CLIC5: variants seen among roughly 807,000 people sequenced by gnomAD.
CLIC5 encodes the protein CLIC family member 5.
In CLIC5, 20 loss-of-function variants were observed where a neutral mutation model predicts 24.7. That is an observed-to-expected ratio of 0.81 (90% CI 0.57 to 1.18). The LOEUF (loss-of-function observed/expected upper bound fraction) is 1.18. CLIC5 is among the 50% of genes most tolerant of loss of function. CLIC5 has a pLI of 0.00. For missense variants in CLIC5, 341 were observed against 326.1 expected, an observed-to-expected ratio of 1.05 and a Z score of -0.35; for synonymous variants, 159 against 135.6, an observed-to-expected ratio of 1.17 and a Z score of -1.20.
intron 1 of CLIC5, among the ~76,000 whole-genome samples, chr6:45,985,875 C>T (rs1382374476): frequency 6.6e-6 from 1 of 152,132 alleles, no homozygotes; most frequent in Non-Finnish European, 1.5e-5. Context: ...CCACCCAAAT[C>T]TCATCTTGAA....
the CLIC5 span, among the ~76,000 whole-genome samples, chr6:46,122,385 G>A: frequency 2.6e-5 from 4 of 152,164 alleles, no homozygotes; most frequent in Admixed American, 6.5e-5. Context: ...AAACCAATGA[G>A]AACAAAGACA....
At chr6:45,951,681 C>T (rs954754671) in intron 2 of CLIC5, among the ~76,000 whole-genome samples, 7 of 152,158 alleles carry the variant, frequency 4.6e-5, no homozygotes, top group African/African-American at 1.2e-4. Flanking sequence ...ACTTCCAAGA[C>T]GGTGCTGGGA....
At chr6:45,890,286 C>A (rs1184841905) in intron 6 of CLIC5, among the ~76,000 whole-genome samples, 3 of 151,850 alleles carry the variant, frequency 2.0e-5, no homozygotes, top group Non-Finnish European at 4.4e-5. Context: ...AGAAGACATA[C>A]CAATGGCCAA....
At chr6:46,100,797 T>C in the CLIC5 span, among the ~76,000 whole-genome samples, 5 of 152,174 alleles carry the variant, frequency 3.3e-5, no homozygotes, top group Non-Finnish European at 7.3e-5. Context: ...GCAGGATTAA[T>C]TGGAGAAAAG....
At chr6:46,086,039 C>T in the CLIC5 span, among the ~76,000 whole-genome samples, 1 of 152,220 alleles carries the variant, frequency 6.6e-6, no homozygotes, top group African/African-American at 2.4e-5. Flanking sequence ...GGCGTAGGAC[C>T]CTCCGAGCCA....
chr6:46,001,955 A>G (rs569563712), intron 1 of CLIC5, among the ~76,000 whole-genome samples: 1 of 152,292 alleles, frequency 6.6e-6, no homozygotes, highest in South Asian at 2.1e-4. Flanking sequence ...TGACCATGGC[A>G]AGTGTCTCAG....
upstream of CLIC5, among the ~76,000 whole-genome samples, chr6:46,081,713 T>G (rs1762922639): frequency 6.6e-6 from 1 of 152,214 alleles, no homozygotes; most frequent in Non-Finnish European, 1.5e-5. Context: ...AAGAGATCAT[T>G]CAAACATTTT....
intron 1 of CLIC5, among the ~76,000 whole-genome samples, chr6:45,964,308 A>G (rs1418591542): frequency 3.3e-5 from 5 of 152,202 alleles, no homozygotes; most frequent in Non-Finnish European, 5.9e-5. Context: ...AACCAGCAGA[A>G]AAAATGTCTG....
At chr6:45,880,928 C>T (rs1762257246), downstream of CLIC5, 1 of 387,788 alleles carries the variant, frequency 2.6e-6, no homozygotes. Context: ...ATTTCAAGAG[C>T]TAGACATGAA....
intron 4 of CLIC5, 180 bp from the exon 5 acceptor site, chr6:45,914,589 G>C: frequency 8.5e-7 from 1 of 1,179,526 alleles, no homozygotes; most frequent in Non-Finnish European, 1.1e-6. Context: ...GTACTAAATA[G>C]GCTGAAAAGG....
At chr6:46,004,278 A>G (rs1324072571) in intron 1 of CLIC5, among the ~76,000 whole-genome samples, 1 of 152,166 alleles carries the variant, frequency 6.6e-6, no homozygotes, top group East Asian at 1.9e-4. Flanking sequence ...TACGGTAGAG[A>G]CTAGCTCCAA....
At chr6:46,028,814 C>T (rs1357879942) in intron 1 of CLIC5, among the ~76,000 whole-genome samples, 1 of 152,194 alleles carries the variant, frequency 6.6e-6, no homozygotes, top group African/African-American at 2.4e-5. Context: ...ATCATAGTCA[C>T]CCAAAGTCCA....
At chr6:45,979,701 G>A (rs1042951321) in intron 1 of CLIC5, among the ~76,000 whole-genome samples, 6 of 152,152 alleles carry the variant, frequency 3.9e-5, no homozygotes, top group South Asian at 2.1e-4. Flanking sequence ...TTTAAAAAAC[G>A]TTGATGGCAT....
At chr6:46,007,447 A>G (rs1766627667) in intron 1 of CLIC5, among the ~76,000 whole-genome samples, 1 of 152,178 alleles carries the variant, frequency 6.6e-6, no homozygotes, top group Non-Finnish European at 1.5e-5. Flanking sequence ...GGCTTCTTCC[A>G]AGGCATGCAC....
chr6:45,939,325 T>C lies in CLIC5; in HGVS notation c.406+2222A>G, dbSNP rs543280755. Among the ~76,000 whole-genome samples, 6 of 148,168 alleles carry C rather than the reference T, an allele frequency of 4.0e-5. No homozygotes were observed. The East Asian group carries it at 1.1e-3, about 26-fold the overall frequency. On this transcript the variant is annotated intron_variant, in intron 4 of 5. Transcript: ENST00000339561. Reference sequence around the variant, plus strand: ...GCCTCCTGGGTTCAAGTCATTCTCCTGCCTCAGCCTCCCAAGAAGCTGGGA... The same window carrying C: ...GCCTCCTGGGTTCAAGTCATTCTCCCGCCTCAGCCTCCCAAGAAGCTGGGA...
At chr6:45,893,174 T>G (rs1762367396) in intron 6 of CLIC5, among the ~76,000 whole-genome samples, 1 of 152,152 alleles carries the variant, frequency 6.6e-6, no homozygotes, top group African/African-American at 2.4e-5. Flanking sequence ...TAGTTTTTGT[T>G]TTCATGTTGT....
rs1371942149 is a variant in CLIC5, at chr6:46,015,744, G to C, written c.-202C>G. Reference sequence around the variant, plus strand: ...CCCAGATGCTCACATGAAAAGGAGCGAAGCCGGGAGGAGGCGGGGGGCCAC... The same window carrying C: ...CCCAGATGCTCACATGAAAAGGAGCCAAGCCGGGAGGAGGCGGGGGGCCAC... On this transcript the variant is annotated 5_prime_UTR_variant, in exon 1 of 6. Coordinates refer to ENST00000339561, the MANE Select transcript of CLIC5 (RefSeq NM_016929.5). The C allele has an allele frequency of 1.5e-5, 19 of 1,238,592 alleles. No individual in the cohort carries two copies. The highest frequency in any genetic ancestry group is 1.4e-5 in the Non-Finnish European group (14 of 991,312). 76.7% of individuals were successfully genotyped at this position (1,238,592 alleles called of 1,614,324 possible). A position where few individuals can be genotyped will look rare whatever the true frequency, so the allele number is the denominator to read the frequency against.
the CLIC5 span, among the ~76,000 whole-genome samples, chr6:46,089,853 G>C: frequency 6.6e-6 from 1 of 152,112 alleles, no homozygotes; most frequent in African/African-American, 2.4e-5. Flanking sequence ...TACATTTTGG[G>C]ACATATTTTC....
chr6:46,090,963 T>C, the CLIC5 span, among the ~76,000 whole-genome samples: 4 of 152,340 alleles, frequency 2.6e-5, no homozygotes, highest in East Asian at 5.8e-4. Flanking sequence ...CAAGCTGTTA[T>C]CAATCCAGCT....
Sources: gnomAD v4.1 joint callset for allele counts (sites outside exome capture counted in the v4.1 genomes callset) on GRCh38, gnomAD v4.1.1 for gene constraint, MANE v1.5 for transcripts, NCBI Gene and HGNC (gene_info 2026-07-23, HGNC 2026-07-21) for gene names.